The following NFIB variants were observed in gnomAD, a reference collection of about 807,000 sequenced individuals.
NFIB encodes nuclear factor 1 B-type.
A neutral mutation model predicts 61.5 loss-of-function variants in NFIB; 11 were observed. The observed-to-expected ratio is 0.18, with a 90% CI of 0.11 to 0.30. The LOEUF is 0.30. Ranked by LOEUF, NFIB falls within the 10% of genes least tolerant of loss-of-function variation. The pLI is 1.00. For missense variants in NFIB, 471 were observed against 608.9 expected, an observed-to-expected ratio of 0.77 and a Z score of 2.38; for synonymous variants, 260 against 216.5, an observed-to-expected ratio of 1.20 and a Z score of -1.76.
Position 14,158,247 on chromosome 9 carries a change from A to G in NFIB, c.617-2354T>C, listed in dbSNP as rs534608501. 2.6e-5 allele frequency among the ~76,000 whole-genome samples: 4 copies of G among 152,170 alleles called. No homozygotes were observed. The East Asian group carries it at 7.7e-4, about 29-fold the overall frequency. On this transcript the variant is annotated intron_variant, in intron 3 of 10. Coordinates refer to ENST00000380953, the MANE Select transcript of NFIB (RefSeq NM_001190737.2). Reference sequence around the variant, plus strand: ...TACTTTGTAAATGCCTACCCTTCATATCTTCCTCCTGCAGCTCCCTGAGAT... The same window carrying G: ...TACTTTGTAAATGCCTACCCTTCATGTCTTCCTCCTGCAGCTCCCTGAGAT...
At chr9:14,528,815 G>C in the NFIB span, among the ~76,000 whole-genome samples, 12 of 152,256 alleles carry the variant, frequency 7.9e-5, no homozygotes, top group Admixed American at 6.5e-4. Flanking sequence ...TTTTATTTAT[G>C]AGTGCTTTAA....
chr9:14,419,208 A>G, the NFIB span, among the ~76,000 whole-genome samples: 2 of 149,228 alleles, frequency 1.3e-5, no homozygotes, highest in African/African-American at 2.5e-5. Flanking sequence ...CCTTTCAAAG[A>G]TTTTTTTCCC....
rs562104001 is a variant in NFIB, at chr9:14,337,630, G to T, written c.109-30110C>A. Among the ~76,000 whole-genome samples the T allele has an allele frequency of 9.2e-5, 14 of 152,272 alleles. No individual in the cohort carries two copies. The South Asian group carries it at 2.5e-3, about 27-fold the overall frequency. On this transcript the variant is annotated intron_variant, in intron 1 of 8. Transcript: ENST00000380934. ...GTTCTCATTTTCTAACCCTGAGTTG[G>T]CATTTGGAGCCCCACTGGGGTGGCG...
chr9:14,087,541 T>G lies in NFIB; in HGVS notation c.*768A>C. 4.4e-6 allele frequency: 1 copy of G among 227,482 alleles called. No homozygotes were observed. 14.1% of individuals were successfully genotyped at this position (227,482 alleles called of 1,614,324 possible). ...ATAGAGGCATTTCTTCCATAGAGCC[T>G]TTGTGTTCAAACTGTTTTTTTCCTT... On this transcript the variant is annotated 3_prime_UTR_variant, in exon 11 of 11. Transcript: ENST00000380953.
At chr9:14,335,207 T>C (rs1417360547) in intron 1 of NFIB, among the ~76,000 whole-genome samples, 1 of 152,220 alleles carries the variant, frequency 6.6e-6, no homozygotes, top group Non-Finnish European at 1.5e-5. Context: ...CAATGGAATG[T>C]CTGGGCATAT....
intron 1 of NFIB, among the ~76,000 whole-genome samples, chr9:14,319,823 A>T (rs2060622822): frequency 6.6e-6 from 1 of 152,246 alleles, no homozygotes; most frequent in South Asian, 2.1e-4. Flanking sequence ...ACAAAATTTC[A>T]AAGTCAAAGC....
chr9:14,138,612 T>G (rs2131019764), intron 6 of NFIB, among the ~76,000 whole-genome samples: 1 of 152,180 alleles, frequency 6.6e-6, no homozygotes, highest in East Asian at 1.9e-4. Flanking sequence ...ATGACAGATA[T>G]CTGGGATTTG....
intron 2 of NFIB, among the ~76,000 whole-genome samples, chr9:14,219,914 A>G (rs189930398): frequency 2.6e-5 from 4 of 152,342 alleles, no homozygotes; most frequent in South Asian, 4.1e-4. Flanking sequence ...GGACTCTTAT[A>G]ACAAAGCTTC....
intron 3 of NFIB, among the ~76,000 whole-genome samples, chr9:14,174,817 T>G (rs1455706383): frequency 7.1e-6 from 1 of 140,518 alleles, no homozygotes; most frequent in African/African-American, 2.6e-5. Context: ...AAAGCCAGAG[T>G]AAATTTCTCT....
chr9:14,381,541 C>T (rs1265048955), intron 1 of NFIB, among the ~76,000 whole-genome samples: 2 of 152,190 alleles, frequency 1.3e-5, no homozygotes, highest in African/African-American at 4.8e-5. Context: ...ATTATCATTA[C>T]TTTGGACCAA....
chr9:14,518,776 T>G, the NFIB span, among the ~76,000 whole-genome samples: 2 of 152,094 alleles, frequency 1.3e-5, no homozygotes, highest in African/African-American at 4.8e-5. Flanking sequence ...GTAGAGAGCA[T>G]GAGAAGTAGA....
chr9:14,468,039 G>A, the NFIB span, among the ~76,000 whole-genome samples: 2 of 152,146 alleles, frequency 1.3e-5, no homozygotes, highest in African/African-American at 2.4e-5. Context: ...TTAGATATTC[G>A]TTAGTCTATT....
Position 14,272,627 on chromosome 9 carries a change from G to A in NFIB, c.562+34362C>T, listed in dbSNP as rs923703775. 2.8e-4 allele frequency among the ~76,000 whole-genome samples: 38 copies of A among 136,042 alleles called. 1 individual carries two copies. The highest frequency in any genetic ancestry group is 9.2e-4 in the Admixed American group (11 of 11,940). The allele number at this position is 136,042 out of a possible 152,430, so 89.2% of individuals were successfully genotyped here. A position where few individuals can be genotyped will look rare whatever the true frequency, so the allele number is the denominator to read the frequency against. On this transcript the variant is annotated intron_variant, in intron 2 of 10. Coordinates refer to ENST00000380953, the MANE Select transcript of NFIB (RefSeq NM_001190737.2). ...GACTCTTGCTAAATAACATCGGCCTGCTCCACTTTATCTTCTACCTCCAGG... is the reference window on the plus strand; with the variant it reads ...GACTCTTGCTAAATAACATCGGCCTACTCCACTTTATCTTCTACCTCCAGG...
chr9:14,457,784 C>T, the NFIB span, among the ~76,000 whole-genome samples: 7 of 152,112 alleles, frequency 4.6e-5, no homozygotes, highest in African/African-American at 1.4e-4. Context: ...GGATAAATTG[C>T]TGGACACATA....
At chr9:14,285,392 G>C (rs370420371) in intron 2 of NFIB, among the ~76,000 whole-genome samples, 3 of 152,328 alleles carry the variant, frequency 2.0e-5, no homozygotes, top group African/African-American at 7.2e-5. Context: ...AAAGTGCTGG[G>C]ATTACAGGCG....
chr9:14,468,435 C>T, the NFIB span, among the ~76,000 whole-genome samples: 1 of 152,146 alleles, frequency 6.6e-6, no homozygotes, highest in African/African-American at 2.4e-5. Flanking sequence ...AAAAAATGCC[C>T]ACTTATTAAT....
chr9:14,518,015 A>G, the NFIB span, among the ~76,000 whole-genome samples: 6 of 152,252 alleles, frequency 3.9e-5, no homozygotes, highest in Non-Finnish European at 8.8e-5. Context: ...AAACTCCACA[A>G]GGAAGAGCAC....
chr9:14,411,316 C>A, the NFIB span, among the ~76,000 whole-genome samples: 1 of 152,188 alleles, frequency 6.6e-6, no homozygotes, highest in African/African-American at 2.4e-5. Context: ...AATAATGATA[C>A]AAATCCGGTA....
At chr9:14,306,675 G>A (rs2060034887) in intron 2 of NFIB, among the ~76,000 whole-genome samples, 1 of 152,122 alleles carries the variant, frequency 6.6e-6, no homozygotes, top group African/African-American at 2.4e-5. Context: ...AGAAAGTATA[G>A]TGTAATGAAC....
Sources: gnomAD v4.1 joint callset for allele counts (sites outside exome capture counted in the v4.1 genomes callset) on GRCh38, gnomAD v4.1.1 for gene constraint, MANE v1.5 for transcripts, NCBI Gene and HGNC (gene_info 2026-07-23, HGNC 2026-07-21) for gene names.